RALGPS1: variants seen among roughly 807,000 people sequenced by gnomAD.
RALGPS1 encodes the protein ras-specific guanine nucleotide-releasing factor RalGPS1.
In RALGPS1, 19 loss-of-function variants were observed where a neutral mutation model predicts 78.8. The ratio of observed to expected loss-of-function variants is 0.24; its 90% CI spans 0.17 to 0.35. RALGPS1 has a LOEUF of 0.35. Ranked by LOEUF, RALGPS1 falls within the 10% of genes least tolerant of loss-of-function variation. RALGPS1 has a pLI of 1.00. For synonymous variants in RALGPS1, 228 were observed against 256.3 expected (o/e 0.89, Z 1.06); for missense variants, 454 against 688.3 (o/e 0.66, Z 3.81).
intron 8 of RALGPS1, among the ~76,000 whole-genome samples, chr9:127,103,427 C>G (rs1438766428): frequency 2.0e-5 from 3 of 152,192 alleles, no homozygotes; most frequent in Non-Finnish European, 4.4e-5. Context: ...TTTATACAGT[C>G]AGGGCTAACA....
intron 11 of RALGPS1, chr9:127,178,030 A>G: frequency 2.0e-6 from 3 of 1,501,868 alleles, no homozygotes; most frequent in Non-Finnish European, 2.7e-6. Flanking sequence ...CGAGGCACCC[A>G]TGGGCCGGCC....
At chr9:127,186,776 C>T (rs1222527821) in intron 11 of RALGPS1, among the ~76,000 whole-genome samples, 2 of 152,220 alleles carry the variant, frequency 1.3e-5, no homozygotes, top group African/African-American at 4.8e-5. Context: ...CTGGGCCCCC[C>T]ACCCTTCCTC....
intron 8 of RALGPS1, among the ~76,000 whole-genome samples, chr9:127,140,752 A>T (rs959733425): frequency 6.6e-6 from 1 of 152,182 alleles, no homozygotes; most frequent in African/African-American, 2.4e-5. Context: ...CCCCAAAAAA[A>T]TCTGGTAGAG....
chr9:126,934,886 T>A (rs1305223140), intron 1 of RALGPS1, among the ~76,000 whole-genome samples: 1 of 152,194 alleles, frequency 6.6e-6, no homozygotes, highest in African/African-American at 2.4e-5. Context: ...CTGTCCTTGC[T>A]TCAGACCCTT....
chr9:127,030,028 G>A (rs934944192), intron 4 of RALGPS1, among the ~76,000 whole-genome samples: 1 of 152,192 alleles, frequency 6.6e-6, no homozygotes, highest in African/African-American at 2.4e-5. Context: ...GTGTCTTTGT[G>A]ATAAACATTC....
intron 4 of RALGPS1, among the ~76,000 whole-genome samples, chr9:126,989,521 C>T (rs1457213884): frequency 2.0e-5 from 3 of 152,136 alleles, no homozygotes; most frequent in African/African-American, 7.2e-5. Flanking sequence ...ACCAGAACAT[C>T]CCCAGTATCT....
At chr9:127,214,198 A>G (rs906562798) in intron 17 of RALGPS1, 1 of 152,256 alleles carries the variant, frequency 6.6e-6, no homozygotes, top group African/African-American at 2.4e-5. Flanking sequence ...GTGGAAAAAA[A>G]AAATGCATCT....
intron 4 of RALGPS1, among the ~76,000 whole-genome samples, chr9:126,992,050 C>T (rs911054323): frequency 1.3e-5 from 2 of 152,152 alleles, no homozygotes; most frequent in Non-Finnish European, 2.9e-5. Flanking sequence ...TGATGAATGA[C>T]AGGTGTGTAG....
At position 127,220,098 on chromosome 9, in the gene RALGPS1, C is replaced by G. The variant is rs1393549087; in HGVS notation, c.*1329C>G. 6.6e-6 allele frequency: 1 copy of G among 152,604 alleles called. No individual in the cohort carries two copies. Among genetic ancestry groups the G allele is most frequent in the East Asian group, 1.9e-4 (1 of 5,202 alleles). 9.5% of individuals were successfully genotyped at this position (152,604 alleles called of 1,614,324 possible). On this transcript the variant is annotated 3_prime_UTR_variant, in exon 19 of 19. Transcript: ENST00000259351. ...ATAATTTTTATTCAGAATAATAAAT[C>G]ACTCTTTATCATAGTATCTTCTCTT...
At position 126,946,289 on chromosome 9, in the gene RALGPS1, C is replaced by T. The variant is rs114045102; in HGVS notation, c.-65-15936C>T. 6.4e-4 allele frequency among the ~76,000 whole-genome samples: 98 copies of T among 152,230 alleles called. 1 individual carries two copies. Among genetic ancestry groups the T allele is most frequent in the African/African-American group, 2.4e-3 (98 of 41,560 alleles). ...GCCAGGCATGGAGGCTCATGCCTCA[C>T]TCGGGAGGCCGAGATGGGCAGATCA... On this transcript the variant is annotated intron_variant, in intron 1 of 18. Transcript: ENST00000259351.
chr9:126,970,463 A>C (rs930793715), intron 3 of RALGPS1, among the ~76,000 whole-genome samples: 15 of 152,190 alleles, frequency 9.9e-5, no homozygotes, highest in Non-Finnish European at 1.9e-4. Context: ...GGGTGAGTAG[A>C]AGGGATCTGT....
chr9:127,208,193 A>G lies in RALGPS1; in HGVS notation c.1248-3938A>G, dbSNP rs1169410878. Among the ~76,000 whole-genome samples, 4 of 152,254 alleles carry G rather than the reference A, an allele frequency of 2.6e-5. No homozygotes were observed. In the East Asian group the frequency reaches 7.7e-4, roughly 29 times the overall value. On this transcript the variant is annotated intron_variant, in intron 14 of 18. Coordinates refer to ENST00000259351, the MANE Select transcript of RALGPS1 (RefSeq NM_014636.3). ...CCACTGGGGCCACCAAGGGACCAGG[A>G]GACCTGGAGGTGGCCCTATTCTGGG... is the stretch of plus-strand genomic sequence containing the variant.
At chr9:127,161,057 TC>T (rs1312766968) in intron 8 of RALGPS1, among the ~76,000 whole-genome samples, 1 of 152,234 alleles carries the variant, frequency 6.6e-6, no homozygotes, top group Non-Finnish European at 1.5e-5. Context: ...CCAGTTACTG[TC>T]CATCTTCATA....
chr9:127,194,868 T>C (rs1274094065), intron 11 of RALGPS1, among the ~76,000 whole-genome samples: 6 of 151,930 alleles, frequency 3.9e-5, no homozygotes, highest in Admixed American at 6.6e-5. Context: ...ATCCTGAGAG[T>C]TGGTTGTCAG....
intron 10 of RALGPS1, among the ~76,000 whole-genome samples, chr9:127,168,975 G>A (rs527408990): frequency 1.3e-5 from 2 of 152,370 alleles, no homozygotes; most frequent in East Asian, 3.9e-4. Context: ...CAGCCCCGCA[G>A]TGGTGATGTC....
intron 1 of RALGPS1, among the ~76,000 whole-genome samples, chr9:126,937,109 C>T (rs747942484): frequency 2.1e-4 from 32 of 152,134 alleles, no homozygotes; most frequent in Non-Finnish European, 3.4e-4. Flanking sequence ...CTTGGCCTGT[C>T]AAAGTGCTGG....
chr9:127,132,891 A>C (rs2057104239), intron 8 of RALGPS1, among the ~76,000 whole-genome samples: 1 of 152,206 alleles, frequency 6.6e-6, no homozygotes, highest in African/African-American at 2.4e-5. Flanking sequence ...CCCTGCCAGG[A>C]AGGCCAGTGT....
At chr9:127,082,896 A>G (rs1189880867) in intron 8 of RALGPS1, among the ~76,000 whole-genome samples, 2 of 152,100 alleles carry the variant, frequency 1.3e-5, no homozygotes, top group African/African-American at 4.8e-5. Flanking sequence ...CTGTATCCCT[A>G]TTGAGAAACA....
At chr9:127,045,342 G>C (rs1489640231) in intron 5 of RALGPS1, among the ~76,000 whole-genome samples, 1 of 152,202 alleles carries the variant, frequency 6.6e-6, no homozygotes, top group Non-Finnish European at 1.5e-5. Flanking sequence ...AAACTTTGCT[G>C]ACCTAAGTAA....
Sources: gnomAD v4.1 joint callset for allele counts (sites outside exome capture counted in the v4.1 genomes callset) on GRCh38, gnomAD v4.1.1 for gene constraint, MANE v1.5 for transcripts, NCBI Gene and HGNC (gene_info 2026-07-23, HGNC 2026-07-21) for gene names.